SMAD4: variants seen among roughly 807,000 people sequenced by gnomAD.
SMAD4 encodes SMAD family member 4.
Under a neutral mutation model 63.2 loss-of-function variants are expected in SMAD4, and 7 were observed. That is an observed-to-expected ratio of 0.11 (90% CI 0.06 to 0.21). The LOEUF (loss-of-function observed/expected upper bound fraction) is 0.21, where lower values mean the gene tolerates loss of function less well. Ranked by LOEUF, SMAD4 falls within the 10% of genes least tolerant of loss-of-function variation. The pLI, the probability that SMAD4 is intolerant of heterozygous loss-of-function variation, is 1.00. For synonymous variants in SMAD4, 215 were observed against 235.4 expected (o/e 0.91, Z 0.79); for missense variants, 312 against 693.8 (o/e 0.45, Z 6.18).
intron 10 of SMAD4, among the ~76,000 whole-genome samples, chr18:51,071,080 T>C (rs1343945187): frequency 2.6e-5 from 4 of 152,220 alleles, no homozygotes; most frequent in African/African-American, 9.6e-5. Flanking sequence ...GGAGGAATAC[T>C]GTATACCTTA....
chr18:51,045,923 A>C (rs553560675), intron 1 of SMAD4, among the ~76,000 whole-genome samples: 7 of 152,104 alleles, frequency 4.6e-5, no homozygotes, highest in African/African-American at 1.7e-4. Flanking sequence ...TTCACTTAGC[A>C]TGTGTTTTCG....
intron 5 of SMAD4, among the ~76,000 whole-genome samples, chr18:51,057,001 C>T (rs1278820485): frequency 6.6e-6 from 1 of 151,972 alleles, no homozygotes; most frequent in Non-Finnish European, 1.5e-5. Context: ...CTTGCAGAAT[C>T]TGGGGGATGA....
intron 5 of SMAD4, among the ~76,000 whole-genome samples, chr18:51,055,739 G>A (rs1002272421): frequency 2.1e-4 from 31 of 148,992 alleles, no homozygotes; most frequent in African/African-American, 6.7e-4. Flanking sequence ...ATAGAGCATT[G>A]TCTTGGCATG....
chr18:51,037,227 T>C (rs1057164605), intron 1 of SMAD4, among the ~76,000 whole-genome samples: 3 of 152,208 alleles, frequency 2.0e-5, no homozygotes, highest in African/African-American at 7.2e-5. Flanking sequence ...CAGTTATCAG[T>C]TATTAAAATT....
chr18:51,058,655 G>A (rs1909912257), intron 7 of SMAD4, among the ~76,000 whole-genome samples, 199 bp downstream of exon 7: 1 of 152,006 alleles, frequency 6.6e-6, no homozygotes, highest in African/African-American at 2.4e-5. Flanking sequence ...AGTGATGTTT[G>A]CTAAATACAT....
At chr18:51,050,738 A>T (rs1347712825) in intron 4 of SMAD4, among the ~76,000 whole-genome samples, 1 of 151,682 alleles carries the variant, frequency 6.6e-6, no homozygotes, top group Non-Finnish European at 1.5e-5. Flanking sequence ...GTAGTTTAGC[A>T]CCTTTTTTGT....
chr18:51,067,098 G>C lies in SMAD4; in HGVS notation c.1219G>C (p.Val407Leu), dbSNP rs147621330. ...VWVRCLSDHA[V>L]FVQSYYLDRE... ...GGTCAGGTGCCTTAGTGACCACGCG[G>C]TCTTTGTACAGAGTTACTACTTAGA... The change falls in exon 10 of 12, where the codon GTC (valine) becomes CTC (leucine). Residue 407 changes from valine to leucine, a missense_variant. Physicochemically the swap from Val to Leu is conservative, Grantham distance 32 (BLOSUM62 1). Around this residue, in one of 4 missense-constraint regions of SMAD4, gnomAD observed 92 missense variants for 305.9 expected, o/e 0.30. Transcript: ENST00000342988. 38 of 1,612,044 alleles carry C rather than the reference G, an allele frequency of 2.4e-5. No homozygotes were observed. Among genetic ancestry groups the C allele is most frequent in the Non-Finnish European group, 3.1e-5 (37 of 1,178,200 alleles).
In SMAD4 at chr18:51,058,235, T is replaced by TA. The variant is rs2144427739; in HGVS notation, c.779dup (p.Tyr260Ter). Reference protein sequence around the residue: ...QNGFTGQPATYHHNSTTTWTG... With the variant: ...QNGFTGQPAT ...TGGATTTACTGGTCAGCCAGCTACT[T>TA]ACCATCATAGTATGTACATACTTTA... Residue 260 changes from tyrosine (Y) to a stop codon, truncating the protein, a stop_gained and frameshift_variant, in exon 6 of 12, where the codon TAC becomes TAAC. Transcript: ENST00000342988. LOFTEE classifies it high-confidence loss of function. 6.2e-7 allele frequency: 1 copy of TA among 1,614,192 alleles called. No individual in the cohort carries two copies. Among genetic ancestry groups the TA allele is most frequent in the Non-Finnish European group, 8.5e-7 (1 of 1,180,024 alleles).
chr18:51,048,111 A>G (rs183379408), intron 2 of SMAD4, among the ~76,000 whole-genome samples: 1 of 152,358 alleles, frequency 6.6e-6, no homozygotes, highest in Admixed American at 6.5e-5. Flanking sequence ...TTTTATTTCA[A>G]GACTTTACAC....
At chr18:51,043,915 G>C (rs542160556) in intron 1 of SMAD4, among the ~76,000 whole-genome samples, 1 of 152,310 alleles carries the variant, frequency 6.6e-6, no homozygotes, top group East Asian at 1.9e-4. Context: ...GCTATGGTCA[G>C]TCCAGAAACA....
intron 1 of SMAD4, among the ~76,000 whole-genome samples, chr18:51,034,482 C>T (rs1909145516): frequency 6.6e-6 from 1 of 152,064 alleles, no homozygotes; most frequent in Admixed American, 6.5e-5. Context: ...AACTCCTGAC[C>T]TCAGGTGATC....
intron 7 of SMAD4, among the ~76,000 whole-genome samples, chr18:51,059,565 C>T (rs141776111): frequency 2.6e-5 from 4 of 152,126 alleles, no homozygotes; most frequent in East Asian, 3.9e-4. Flanking sequence ...CTGTATTGGA[C>T]GTTACATGAA....
At chr18:51,064,467 GT>G (rs141436685) in intron 8 of SMAD4, among the ~76,000 whole-genome samples, 2,477 of 152,292 alleles carry the variant, frequency 0.016, 70 homozygotes, top group African/African-American at 0.056. Flanking sequence ...GACTGTAGCT[GT>G]TTTGTTTTCT....
At chr18:51,041,709 T>C (rs1036720872) in intron 1 of SMAD4, among the ~76,000 whole-genome samples, 2 of 152,246 alleles carry the variant, frequency 1.3e-5, no homozygotes, top group African/African-American at 4.8e-5. Context: ...TCCCTTCTCC[T>C]GCCATTTAAG....
At position 51,081,751 on chromosome 18, in the gene SMAD4, A is replaced by T; in HGVS notation, c.*3284A>T. On this transcript the variant is annotated 3_prime_UTR_variant, in exon 12 of 12. Transcript: ENST00000342988. The stretch of plus-strand genomic sequence containing the variant: ...AAATGTCCTGTCTCCCAGATGATAT[A>T]CATCTTATTATTTTTAAAGTTTATT... 4.3e-6 allele frequency: 1 copy of T among 232,760 alleles called. No individual in the cohort carries two copies. The highest frequency in any genetic ancestry group is 2.2e-5 in the African/African-American group (1 of 45,434). 14.4% of individuals were successfully genotyped at this position (232,760 alleles called of 1,614,324 possible). A position where few individuals can be genotyped will look rare whatever the true frequency, so the allele number is the denominator to read the frequency against.
At chr18:51,045,429 T>C (rs1267513657) in intron 1 of SMAD4, among the ~76,000 whole-genome samples, 1 of 152,212 alleles carries the variant, frequency 6.6e-6, no homozygotes, top group East Asian at 1.9e-4. Context: ...AGTCCTGCTT[T>C]ATCTTCTTTA....
At chr18:51,072,385 G>A (rs534672092) in intron 10 of SMAD4, among the ~76,000 whole-genome samples, 2 of 152,240 alleles carry the variant, frequency 1.3e-5, no homozygotes, top group African/African-American at 4.8e-5. Flanking sequence ...TTATTTTAGA[G>A]GAAGGGGCAG....
intron 1 of SMAD4, among the ~76,000 whole-genome samples, chr18:51,038,786 TTAA>T (rs1909286033): frequency 1.3e-5 from 2 of 152,226 alleles, no homozygotes; most frequent in Non-Finnish European, 2.9e-5. Context: ...TTTAAATGAA[TTAA>T]TAAAGCAAAT....
intron 4 of SMAD4, 22 bp downstream of exon 4, chr18:51,049,346 A>ACTTTCTCTTT: frequency 6.3e-7 from 1 of 1,579,340 alleles, no homozygotes; most frequent in East Asian, 2.2e-5. Context: ...GTTTCTTACT[A>ACTTTCTCTTT]CTTTCTCTTT....
Sources: gnomAD v4.1 joint callset for allele counts (sites outside exome capture counted in the v4.1 genomes callset) on GRCh38, gnomAD v4.1.1 for gene constraint, gnomAD v4.1.1 regional missense constraint, MANE v1.5 for transcripts, NCBI Gene and HGNC (gene_info 2026-07-23, HGNC 2026-07-21) for gene names.